The following MAP4K3 variants were observed in gnomAD, a reference collection of about 807,000 sequenced individuals.
The protein encoded by MAP4K3 is mitogen-activated protein kinase kinase kinase kinase 3, also known as MAPK/ERK kinase kinase kinase 3.
In MAP4K3, 94 loss-of-function variants were observed where a neutral mutation model predicts 143.5. The observed-to-expected ratio is 0.65, with a 90% CI of 0.55 to 0.78. MAP4K3 has a LOEUF of 0.78. Among genes scored for constraint, MAP4K3 ranks in the 30% least tolerant of loss-of-function variants. The pLI, the probability that MAP4K3 is intolerant of heterozygous loss-of-function variation, is 0.00. For synonymous variants in MAP4K3, 416 were observed against 347.2 expected, an observed-to-expected ratio of 1.20 and a Z score of -2.20; for missense variants, 1,077 against 1,068.1, an observed-to-expected ratio of 1.01 and a Z score of -0.12.
At chr2:39,252,180 GA>G (rs1313409318) in intron 32 of MAP4K3, among the ~76,000 whole-genome samples, 2 of 152,180 alleles carry the variant, frequency 1.3e-5, no homozygotes, top group Admixed American at 1.3e-4. Context: ...TTATTTATTA[GA>G]AACTTTCATC....
chr2:39,378,548 C>A (rs1302354848), intron 1 of MAP4K3, among the ~76,000 whole-genome samples: 1 of 152,074 alleles, frequency 6.6e-6, no homozygotes, highest in East Asian at 1.9e-4. Flanking sequence ...CAGTCTAACT[C>A]CACAGTCTGA....
intron 1 of MAP4K3, among the ~76,000 whole-genome samples, chr2:39,423,344 G>A (rs1157262095): frequency 6.6e-6 from 1 of 152,132 alleles, no homozygotes; most frequent in African/African-American, 2.4e-5. Flanking sequence ...CAGTCACTTT[G>A]GGAGGCATTT....
chr2:39,436,742 C>T (rs947515618), intron 1 of MAP4K3, 150 bp downstream of exon 1: 3 of 650,650 alleles, frequency 4.6e-6, no homozygotes, highest in Non-Finnish European at 8.1e-6. Context: ...TTCACCAAGG[C>T]AGCAGAGCCC....
chr2:39,358,209 T>G (rs1665665502), intron 2 of MAP4K3, among the ~76,000 whole-genome samples: 1 of 152,236 alleles, frequency 6.6e-6, no homozygotes, highest in South Asian at 2.1e-4. Context: ...ACTTCTACAG[T>G]GATCTTTGTA....
chr2:39,251,432 C>T (rs1259447413), intron 33 of MAP4K3, among the ~76,000 whole-genome samples: 1 of 152,186 alleles, frequency 6.6e-6, no homozygotes, highest in Non-Finnish European at 1.5e-5. Flanking sequence ...TCTGGCCTTC[C>T]AAGAAGGTTT....
intron 2 of MAP4K3, among the ~76,000 whole-genome samples, 194 bp downstream of exon 2, chr2:39,377,872 C>G (rs1199730506): frequency 6.6e-6 from 1 of 152,130 alleles, no homozygotes; most frequent in African/African-American, 2.4e-5. Context: ...TTATCAGTTA[C>G]TTTTCAGGGA....
At chr2:39,303,154 A>G (rs114468821) in intron 15 of MAP4K3, 27 of 167,216 alleles carry the variant, frequency 1.6e-4, no homozygotes, top group African/African-American at 6.3e-4. Flanking sequence ...CTTGAGCAAT[A>G]TATCTTGACC....
chr2:39,339,744 T>G (rs1558655108), intron 4 of MAP4K3, among the ~76,000 whole-genome samples: 1 of 152,076 alleles, frequency 6.6e-6, no homozygotes, highest in Non-Finnish European at 1.5e-5. Flanking sequence ...ATAGGCCTCC[T>G]TACTCAGGTT....
intron 15 of MAP4K3, among the ~76,000 whole-genome samples, chr2:39,301,919 G>A (rs1453986340): frequency 1.3e-5 from 2 of 152,060 alleles, no homozygotes; most frequent in African/African-American, 4.8e-5. Flanking sequence ...AGCTACTCGG[G>A]AGGCTGAGGC....
intron 12 of MAP4K3, among the ~76,000 whole-genome samples, chr2:39,320,409 A>T (rs1683261995): frequency 6.6e-6 from 1 of 152,182 alleles, no homozygotes; most frequent in South Asian, 2.1e-4. Context: ...GGCCTTGAGC[A>T]GTAGGATATA....
At chr2:39,401,187 A>G (rs1558335135) in intron 1 of MAP4K3, among the ~76,000 whole-genome samples, 1 of 152,138 alleles carries the variant, frequency 6.6e-6, no homozygotes, top group African/African-American at 2.4e-5. Flanking sequence ...ACAGAGTACC[A>G]AAACAGAGAC....
chr2:39,338,541 T>C (rs1045714058), intron 4 of MAP4K3, among the ~76,000 whole-genome samples: 2 of 152,248 alleles, frequency 1.3e-5, no homozygotes, highest in Non-Finnish European at 2.9e-5. Flanking sequence ...TCAGAAACTT[T>C]ACATAAGTGG....
intron 15 of MAP4K3, 151 bp downstream of exon 15, chr2:39,307,792 A>G: frequency 6.7e-6 from 3 of 449,130 alleles, no homozygotes; most frequent in Non-Finnish European, 3.8e-6. Context: ...TTGTTATGGG[A>G]AAAAACTGCT....
At chr2:39,339,624 G>A (rs1665084486) in intron 4 of MAP4K3, among the ~76,000 whole-genome samples, 1 of 152,116 alleles carries the variant, frequency 6.6e-6, no homozygotes, top group South Asian at 2.1e-4. Flanking sequence ...AAAACCAGAA[G>A]TCTCAGAGGG....
At chr2:39,334,647 T>C (rs72925283) in intron 6 of MAP4K3, among the ~76,000 whole-genome samples, 10,493 of 152,128 alleles carry the variant, frequency 0.069, 1,234 homozygotes, top group African/African-American at 0.24. Context: ...CAGCTCAGAC[T>C]AACTTTCCTA....
At chr2:39,260,063 A>T (rs1388653952) in intron 29 of MAP4K3, among the ~76,000 whole-genome samples, 1 of 152,182 alleles carries the variant, frequency 6.6e-6, no homozygotes, top group Non-Finnish European at 1.5e-5. Context: ...ATTTCTAAAT[A>T]AAAAAACTGG....
At chr2:39,294,390 A>G (rs1682183960) in intron 16 of MAP4K3, 1 of 152,250 alleles carries the variant, frequency 6.6e-6, no homozygotes, top group South Asian at 2.1e-4. Context: ...TAAATTCTAT[A>G]GGAAAACCAC....
chr2:39,314,515 C>T (rs1558641339), intron 13 of MAP4K3, among the ~76,000 whole-genome samples: 1 of 152,200 alleles, frequency 6.6e-6, no homozygotes. Flanking sequence ...TATATGATCA[C>T]ACAACTAACT....
At chr2:39,269,073 T>C (rs1051892681) in intron 26 of MAP4K3, among the ~76,000 whole-genome samples, 2 of 151,552 alleles carry the variant, frequency 1.3e-5, no homozygotes, top group African/African-American at 4.8e-5. Flanking sequence ...ATGTGTAAAT[T>C]TGCCAAAGAT....
Sources: allele counts gnomAD v4.1 joint callset (sites outside exome capture counted in the v4.1 genomes callset), GRCh38; gene constraint gnomAD v4.1.1; transcripts MANE v1.5; gene names NCBI Gene and HGNC (gene_info 2026-07-23, HGNC 2026-07-21).